Variants in NAALADL2 observed in about 807,000 individuals in gnomAD.
NAALADL2 encodes inactive N-acetylated-alpha-linked acidic dipeptidase-like protein 2.
In NAALADL2, 76 loss-of-function variants were observed where a neutral mutation model predicts 87.2. The observed-to-expected ratio is 0.87, with a 90% confidence interval of 0.72 to 1.05. The LOEUF (loss-of-function observed/expected upper bound fraction) is 1.05, where lower values mean the gene tolerates loss of function less well. NAALADL2 is among the 50% of genes least tolerant of loss of function. The pLI, the probability that NAALADL2 is intolerant of heterozygous loss-of-function variation, is 0.00. For missense variants in NAALADL2, 1,089 were observed against 945.8 expected, an observed-to-expected ratio of 1.15 and a Z score of -1.99; for synonymous variants, 354 against 331.0, an observed-to-expected ratio of 1.07 and a Z score of -0.75.
chr3:174,694,357 G>A (rs1195972530), intron 2 of NAALADL2, among the ~76,000 whole-genome samples: 1 of 152,034 alleles, frequency 6.6e-6, no homozygotes, highest in African/African-American at 2.4e-5. Context: ...GATTCTCTAA[G>A]AAGAGGATAG....
chr3:175,537,722 T>C (rs1169961756), intron 9 of NAALADL2, among the ~76,000 whole-genome samples: 1 of 152,210 alleles, frequency 6.6e-6, no homozygotes, highest in African/African-American at 2.4e-5. Flanking sequence ...GTCAGGCATA[T>C]GACACAGCAT....
chr3:175,355,020 A>ATGTGTG (rs1325977007), intron 5 of NAALADL2, among the ~76,000 whole-genome samples: 116 of 100,652 alleles, frequency 1.2e-3, no homozygotes, highest in African/African-American at 4.4e-3. Flanking sequence ...TGCTATATAT[A>ATGTGTG]TATGTGTGTG....
chr3:175,068,227 C>T (rs73035482), intron 1 of NAALADL2, among the ~76,000 whole-genome samples: 4,182 of 151,942 alleles, frequency 0.028, 176 homozygotes, highest in African/African-American at 0.096. Context: ...TGCACATGTA[C>T]CCCTGAATCT....
chr3:175,622,108 G>C (rs1412364809), intron 10 of NAALADL2, among the ~76,000 whole-genome samples: 1 of 152,072 alleles, frequency 6.6e-6, no homozygotes, highest in Non-Finnish European at 1.5e-5. Flanking sequence ...ATAAATTCTT[G>C]AAATTTTCTG....
chr3:174,693,448 C>T (rs1728761233), intron 2 of NAALADL2, among the ~76,000 whole-genome samples: 1 of 151,990 alleles, frequency 6.6e-6, no homozygotes, highest in Non-Finnish European at 1.5e-5. Context: ...TATTTTACTA[C>T]CAAGAAATTT....
intron 1 of NAALADL2, among the ~76,000 whole-genome samples, chr3:174,884,393 C>A: frequency 6.6e-6 from 1 of 152,170 alleles, no homozygotes; most frequent in East Asian, 1.9e-4. Flanking sequence ...GCCATTCCAC[C>A]ATTCTATCAA....
intron 1 of NAALADL2, among the ~76,000 whole-genome samples, chr3:174,493,395 A>G (rs1430365841): frequency 6.6e-6 from 1 of 152,230 alleles, no homozygotes; most frequent in East Asian, 1.9e-4. Flanking sequence ...GAGAAACCTG[A>G]ATTTATATTA....
chr3:175,165,718 C>T (rs924603343), intron 2 of NAALADL2, among the ~76,000 whole-genome samples: 1 of 152,040 alleles, frequency 6.6e-6, no homozygotes, highest in Non-Finnish European at 1.5e-5. Context: ...ATGGAAGGCC[C>T]TGCACAGCAC....
intron 13 of NAALADL2, among the ~76,000 whole-genome samples, chr3:175,801,688 A>C (rs1371178738): frequency 6.6e-6 from 1 of 152,122 alleles, no homozygotes; most frequent in Non-Finnish European, 1.5e-5. Context: ...CATCTCTACT[A>C]TAACAATTAG....
intron 9 of NAALADL2, among the ~76,000 whole-genome samples, chr3:175,528,981 A>C (rs2149439426): frequency 6.6e-6 from 1 of 152,306 alleles, no homozygotes; most frequent in East Asian, 1.9e-4. Context: ...TGCCTTCAGC[A>C]AGCACCTCAG....
chr3:174,531,470 C>T (rs1267383446), intron 1 of NAALADL2, among the ~76,000 whole-genome samples: 1 of 152,106 alleles, frequency 6.6e-6, no homozygotes, highest in Admixed American at 6.6e-5. Context: ...TCTGCTTTCT[C>T]TTTTTAAAAC....
chr3:174,746,110 T>C (rs546121583), intron 3 of NAALADL2, among the ~76,000 whole-genome samples: 7 of 152,038 alleles, frequency 4.6e-5, no homozygotes, highest in African/African-American at 1.4e-4. Flanking sequence ...AAATAAAGGG[T>C]ATTCAAATTG....
intron 1 of NAALADL2, among the ~76,000 whole-genome samples, chr3:174,934,670 AAAC>A (rs1207698011): frequency 9.9e-5 from 15 of 152,152 alleles, no homozygotes; most frequent in Admixed American, 9.2e-4. Flanking sequence ...AACAAAACAT[AAAC>A]AACAACAACA....
chr3:174,708,465 A>T (rs1258620631), intron 2 of NAALADL2, among the ~76,000 whole-genome samples: 1 of 152,218 alleles, frequency 6.6e-6, no homozygotes, highest in Non-Finnish European at 1.5e-5. Context: ...TTTTATGCAG[A>T]TTATGATAAA....
chr3:175,025,718 C>G (rs558564933), intron 1 of NAALADL2, among the ~76,000 whole-genome samples: 78 of 152,238 alleles, frequency 5.1e-4, no homozygotes, highest in African/African-American at 1.9e-3. Context: ...AATATAGAAT[C>G]TGAAAAGACT....
intron 1 of NAALADL2, among the ~76,000 whole-genome samples, chr3:174,897,875 A>G (rs1263654312): frequency 2.9e-5 from 4 of 138,018 alleles, no homozygotes; most frequent in Non-Finnish European, 5.9e-5. Flanking sequence ...GCACTTTGGG[A>G]GGCCGAGGCG....
At position 174,580,382 on chromosome 3, in the gene NAALADL2, C is replaced by T. The variant is rs527388919; in HGVS notation, c.-115+29745C>T. Among the ~76,000 whole-genome samples, 5 of 152,084 alleles carry T rather than the reference C, an allele frequency of 3.3e-5. No homozygotes were observed. In the East Asian group the frequency reaches 9.7e-4, roughly 29 times the overall value. On this transcript the variant is annotated intron_variant, in intron 2 of 3. Transcript: ENST00000434257. ...GTTTAATAATTTATGTTAGAAAATCCTCTCATCTTTTTATAAACAAATTTA... is the reference window on the plus strand; with the variant it reads ...GTTTAATAATTTATGTTAGAAAATCTTCTCATCTTTTTATAAACAAATTTA...
chr3:175,268,087 A>G (rs1012476715), intron 4 of NAALADL2, among the ~76,000 whole-genome samples: 1 of 152,204 alleles, frequency 6.6e-6, no homozygotes, highest in Non-Finnish European at 1.5e-5. Context: ...AAGGGGATAC[A>G]TTCTCAGAAA....
intron 1 of NAALADL2, among the ~76,000 whole-genome samples, chr3:174,920,342 G>A (rs1734990606): frequency 6.6e-6 from 1 of 152,160 alleles, no homozygotes; most frequent in African/African-American, 2.4e-5. Flanking sequence ...ATTATTGTAG[G>A]TAGATATTCT....
Sources: gnomAD v4.1 joint callset for allele counts (sites outside exome capture counted in the v4.1 genomes callset) on GRCh38, gnomAD v4.1.1 for gene constraint, MANE v1.5 for transcripts, NCBI Gene and HGNC (gene_info 2026-07-23, HGNC 2026-07-21) for gene names.